The following PIK3AP1 variants were observed in gnomAD, a reference collection of about 807,000 sequenced individuals.
PIK3AP1 encodes phosphoinositide-3-kinase adaptor protein 1, also known as phosphoinositide 3-kinase adapter protein 1.
PIK3AP1 carries 21 observed loss-of-function variants against 88.1 expected under a neutral mutation model. The ratio of observed to expected loss-of-function variants is 0.24; its 90% CI spans 0.17 to 0.34. The LOEUF is 0.34. PIK3AP1 is among the 10% of genes least tolerant of loss of function. PIK3AP1 has a pLI of 1.00. For missense variants in PIK3AP1, 828 were observed against 1,035.7 expected (o/e 0.80, Z 2.75); for synonymous variants, 398 against 400.0 (o/e 1.00, Z 0.06).
At chr10:96,687,695 G>A (rs557617240) in intron 2 of PIK3AP1, among the ~76,000 whole-genome samples, 14 of 152,180 alleles carry the variant, frequency 9.2e-5, no homozygotes, top group South Asian at 8.3e-4. Context: ...GCCACCATCC[G>A]TTGAGGCCCT....
intron 8 of PIK3AP1, chr10:96,633,214 G>A: frequency 1.2e-6 from 1 of 828,224 alleles, no homozygotes; most frequent in African/African-American, 1.7e-5. Flanking sequence ...CCCAGTTCCA[G>A]ATGCAATTTA....
intron 1 of PIK3AP1, among the ~76,000 whole-genome samples, chr10:96,715,318 G>A (rs1468444901): frequency 6.6e-6 from 1 of 152,172 alleles, no homozygotes; most frequent in Non-Finnish European, 1.5e-5. Flanking sequence ...GCCTTGAAGG[G>A]CCTAGGGAGA....
At chr10:96,617,712 C>T (rs140118902) in intron 12 of PIK3AP1, among the ~76,000 whole-genome samples, 13 of 152,262 alleles carry the variant, frequency 8.5e-5, no homozygotes, top group Admixed American at 2.6e-4. Context: ...AAGCAGGACA[C>T]ACCGCTGACT....
intron 15 of PIK3AP1, among the ~76,000 whole-genome samples, chr10:96,602,992 G>A (rs1015450938): frequency 3.3e-5 from 5 of 152,114 alleles, no homozygotes; most frequent in African/African-American, 1.2e-4. Context: ...CAGTGACCCC[G>A]GCTCCCTCTG....
intron 7 of PIK3AP1, among the ~76,000 whole-genome samples, chr10:96,648,396 T>C (rs558528972): frequency 2.0e-5 from 3 of 152,342 alleles, no homozygotes; most frequent in East Asian, 3.9e-4. Flanking sequence ...ACTATGATTA[T>C]CTTCCTTCTG....
At chr10:96,685,469 T>G (rs1844056109) in intron 2 of PIK3AP1, among the ~76,000 whole-genome samples, 1 of 152,156 alleles carries the variant, frequency 6.6e-6, no homozygotes, top group Non-Finnish European at 1.5e-5. Context: ...CCAATGCTGA[T>G]GAAATAGCAG....
intron 1 of PIK3AP1, among the ~76,000 whole-genome samples, chr10:96,714,128 C>T (rs1420755893): frequency 6.6e-6 from 1 of 151,380 alleles, no homozygotes; most frequent in East Asian, 1.9e-4. Context: ...GAGCTGAGAT[C>T]GTGCCATTGC....
At chr10:96,664,235 T>C (rs1049871684) in intron 2 of PIK3AP1, among the ~76,000 whole-genome samples, 3 of 152,174 alleles carry the variant, frequency 2.0e-5, no homozygotes, top group Non-Finnish European at 4.4e-5. Flanking sequence ...CTAAGTGACA[T>C]GGGTAAAAGC....
intron 2 of PIK3AP1, among the ~76,000 whole-genome samples, chr10:96,661,400 G>GTA (rs1372432404): frequency 6.6e-6 from 1 of 152,178 alleles, no homozygotes; most frequent in Admixed American, 6.5e-5. Context: ...CACCAATAGA[G>GTA]TATACAACAG....
intron 2 of PIK3AP1, among the ~76,000 whole-genome samples, chr10:96,658,119 A>G (rs1408060033): frequency 1.3e-5 from 2 of 151,734 alleles, no homozygotes; most frequent in Non-Finnish European, 2.9e-5. Context: ...TCATCAGTCT[A>G]TTTTTGGGGT....
At chr10:96,673,889 G>A (rs1273907245) in intron 2 of PIK3AP1, among the ~76,000 whole-genome samples, 3 of 152,266 alleles carry the variant, frequency 2.0e-5, no homozygotes. Flanking sequence ...AGGCTGAAAC[G>A]GTGTTTACTT....
chr10:96,602,464 C>T (rs1305547118), intron 15 of PIK3AP1, 66 bp from the exon 16 acceptor site: 6 of 1,398,972 alleles, frequency 4.3e-6, no homozygotes, highest in South Asian at 1.2e-5. Flanking sequence ...GCTGGACAAC[C>T]GTAACTCAAA....
At chr10:96,713,314 G>A (rs1564993061) in intron 1 of PIK3AP1, among the ~76,000 whole-genome samples, 2 of 151,372 alleles carry the variant, frequency 1.3e-5, no homozygotes, top group Admixed American at 1.3e-4. Context: ...TGGCTAACAC[G>A]GTGAAACCCC....
At chr10:96,666,913 G>T (rs1009666725) in intron 2 of PIK3AP1, among the ~76,000 whole-genome samples, 7 of 152,022 alleles carry the variant, frequency 4.6e-5, no homozygotes, top group Non-Finnish European at 1.0e-4. Flanking sequence ...TTCTAGATGT[G>T]GCCCAGGGCA....
intron 13 of PIK3AP1, 63 bp downstream of exon 13, chr10:96,616,576 G>C: frequency 1.3e-6 from 2 of 1,557,696 alleles, no homozygotes; most frequent in Non-Finnish European, 1.8e-6. Flanking sequence ...GCCAAAAGGA[G>C]AGTCAAGGAC....
At chr10:96,628,880 A>G (rs1564961155) in intron 8 of PIK3AP1, among the ~76,000 whole-genome samples, 3 of 8,772 alleles carry the variant, frequency 3.4e-4, no homozygotes, top group Non-Finnish European at 1.3e-3. Flanking sequence ...ATACACATAT[A>G]TATATATACA....
chr10:96,636,461 A>C (rs1490814917), intron 8 of PIK3AP1, among the ~76,000 whole-genome samples: 2 of 152,140 alleles, frequency 1.3e-5, no homozygotes, highest in African/African-American at 4.8e-5. Flanking sequence ...TGACAACCCC[A>C]CATGTACACA....
chr10:96,670,494 G>C (rs1843830988), intron 2 of PIK3AP1, among the ~76,000 whole-genome samples: 1 of 152,134 alleles, frequency 6.6e-6, no homozygotes, highest in Non-Finnish European at 1.5e-5. Context: ...CCACACAGGA[G>C]AGCTGGGAGG....
intron 8 of PIK3AP1, among the ~76,000 whole-genome samples, chr10:96,629,930 AAAGAAG>A (rs61662185): frequency 3.6e-3 from 50 of 13,720 alleles, no homozygotes; most frequent in Non-Finnish European, 5.4e-3. Flanking sequence ...AAAAAAAAAA[AAAGAAG>A]AAGAAGAAGA....
Sources: allele counts gnomAD v4.1 joint callset (sites outside exome capture counted in the v4.1 genomes callset), GRCh38; gene constraint gnomAD v4.1.1; transcripts MANE v1.5; gene names NCBI Gene and HGNC (gene_info 2026-07-23, HGNC 2026-07-21).